The following BICD1 variants were observed in gnomAD, a reference collection of about 807,000 sequenced individuals.
BICD1 encodes protein bicaudal D homolog 1.
Under a neutral mutation model 92.5 loss-of-function variants are expected in BICD1, and 35 were observed. The ratio of observed to expected loss-of-function variants is 0.38; its 90% CI spans 0.29 to 0.50. BICD1 has a LOEUF of 0.50. Ranked by LOEUF, BICD1 falls within the 20% of genes least tolerant of loss-of-function variation. The pLI, the probability that BICD1 is intolerant of heterozygous loss-of-function variation, is 0.93. For missense variants in BICD1, 950 were observed against 1,189.8 expected (o/e 0.80, Z 2.97); for synonymous variants, 429 against 465.1 (o/e 0.92, Z 1.00).
chr12:32,371,842 C>T (rs984871726), intron 9 of BICD1, among the ~76,000 whole-genome samples: 1 of 152,176 alleles, frequency 6.6e-6, no homozygotes, highest in African/African-American at 2.4e-5. Context: ...CCTGCCTCAG[C>T]CTCCTAAAGT....
intron 4 of BICD1, among the ~76,000 whole-genome samples, chr12:32,324,096 C>T (rs541698340): frequency 5.3e-5 from 8 of 151,852 alleles, no homozygotes; most frequent in Admixed American, 1.3e-4. Flanking sequence ...TTTGGGAGGC[C>T]GAGGTGGGCA....
intron 1 of BICD1, among the ~76,000 whole-genome samples, chr12:32,204,718 C>G (rs991157216): frequency 1.3e-5 from 2 of 152,182 alleles, no homozygotes; most frequent in Non-Finnish European, 2.9e-5. Flanking sequence ...CTGGCCCTTA[C>G]CCCAGACCTG....
chr12:32,374,568 C>CTTTTT (rs146526015), intron 9 of BICD1, among the ~76,000 whole-genome samples: 2 of 124,910 alleles, frequency 1.6e-5, no homozygotes, highest in Non-Finnish European at 3.3e-5. Context: ...TTTCTTTCTT[C>CTTTTT]TTTTTTTTTT....
At chr12:32,332,930 C>T (rs892407643) in intron 5 of BICD1, 10 of 985,264 alleles carry the variant, frequency 1.0e-5, no homozygotes, top group African/African-American at 1.7e-5. Context: ...TCAGCAAATC[C>T]AGTGAGTTAT....
chr12:32,336,913 A>T (rs1938150185), intron 6 of BICD1, among the ~76,000 whole-genome samples: 1 of 152,110 alleles, frequency 6.6e-6, no homozygotes, highest in African/African-American at 2.4e-5. Context: ...GGAGTTCGAG[A>T]CCAGTCTGGG....
chr12:32,340,451 A>T (rs1016951547), intron 8 of BICD1: 35 of 985,326 alleles, frequency 3.6e-5, no homozygotes, highest in Non-Finnish European at 4.1e-5. Context: ...GATAAAACCC[A>T]CAAGTCTTCT....
At chr12:32,118,679 C>T (rs760064254) in intron 1 of BICD1, among the ~76,000 whole-genome samples, 1 of 152,170 alleles carries the variant, frequency 6.6e-6, no homozygotes, top group African/African-American at 2.4e-5. Context: ...GAGACTTGAG[C>T]ATCTGTGGAT....
intron 2 of BICD1, among the ~76,000 whole-genome samples, chr12:32,267,221 C>T (rs1011892944): frequency 3.3e-5 from 5 of 152,208 alleles, no homozygotes; most frequent in Non-Finnish European, 7.3e-5. Flanking sequence ...TTATCCCTAG[C>T]CTTTCAAACT....
intron 1 of BICD1, among the ~76,000 whole-genome samples, chr12:32,118,120 C>T (rs1198463207): frequency 1.7e-5 from 2 of 114,506 alleles, no homozygotes; most frequent in African/African-American, 3.4e-5. Context: ...CTCACTCTGT[C>T]GCCCAGGCTG....
intron 2 of BICD1, among the ~76,000 whole-genome samples, chr12:32,271,717 C>T (rs1341935433): frequency 6.6e-6 from 1 of 152,164 alleles, no homozygotes; most frequent in East Asian, 1.9e-4. Flanking sequence ...TTTTTGGAGT[C>T]CTCCTGGGTG....
chr12:32,322,698 C>T (rs1429451421), intron 4 of BICD1, among the ~76,000 whole-genome samples: 1 of 152,120 alleles, frequency 6.6e-6, no homozygotes, highest in Admixed American at 6.6e-5. Flanking sequence ...GAGATGCTAT[C>T]GTGAAGACAC....
chr12:32,221,162 G>A (rs1945508218), intron 2 of BICD1, among the ~76,000 whole-genome samples: 1 of 151,124 alleles, frequency 6.6e-6, no homozygotes, highest in Non-Finnish European at 1.5e-5. Flanking sequence ...GTTAATGGGT[G>A]CAGCACACCA....
intron 5 of BICD1, among the ~76,000 whole-genome samples, chr12:32,334,163 A>T (rs1033144448): frequency 1.6e-4 from 24 of 151,926 alleles, no homozygotes; most frequent in Non-Finnish European, 2.8e-4. Flanking sequence ...TGGTAAAAAA[A>T]TTTTTTTTGT....
At chr12:32,153,956 C>T (rs1012613450) in intron 1 of BICD1, among the ~76,000 whole-genome samples, 10 of 151,862 alleles carry the variant, frequency 6.6e-5, no homozygotes, top group East Asian at 3.9e-4. Flanking sequence ...TGAATGCTTG[C>T]GGTAGCCATG....
At chr12:32,211,650 G>A (rs1945218843) in intron 1 of BICD1, among the ~76,000 whole-genome samples, 1 of 151,796 alleles carries the variant, frequency 6.6e-6, no homozygotes, top group South Asian at 2.1e-4. Flanking sequence ...GAAGAAAATG[G>A]CCCTGTGACA....
At chr12:32,201,790 A>G (rs1431013681) in intron 1 of BICD1, among the ~76,000 whole-genome samples, 1 of 152,198 alleles carries the variant, frequency 6.6e-6, no homozygotes, top group Non-Finnish European at 1.5e-5. Flanking sequence ...GTTTAAAAAA[A>G]AAAAACACAA....
At chr12:32,341,908 GAA>G (rs1462036670) in intron 8 of BICD1, among the ~76,000 whole-genome samples, 3 of 151,646 alleles carry the variant, frequency 2.0e-5, no homozygotes, top group African/African-American at 7.3e-5. Context: ...AATAAGCCAA[GAA>G]AGAGAAAATA....
At chr12:32,318,010 T>C (rs901878698) in intron 4 of BICD1, among the ~76,000 whole-genome samples, 5 of 151,962 alleles carry the variant, frequency 3.3e-5, no homozygotes, top group African/African-American at 1.2e-4. Context: ...TTGTCAAAGA[T>C]CAGATAGTTG....
intron 1 of BICD1, among the ~76,000 whole-genome samples, chr12:32,150,391 T>C (rs967247230): frequency 2.6e-5 from 4 of 152,228 alleles, no homozygotes; most frequent in African/African-American, 9.6e-5. Context: ...CGTATGTTTT[T>C]TCCTTGACCT....
Sources: allele counts gnomAD v4.1 joint callset (sites outside exome capture counted in the v4.1 genomes callset), GRCh38; gene constraint gnomAD v4.1.1; transcripts MANE v1.5; gene names NCBI Gene and HGNC (gene_info 2026-07-23, HGNC 2026-07-21).